The following PDGFC variants were observed in gnomAD, a reference collection of about 807,000 sequenced individuals.
The protein encoded by PDGFC is platelet-derived growth factor C.
Under a neutral mutation model 35.5 loss-of-function variants are expected in PDGFC, and 12 were observed. That is an observed-to-expected ratio of 0.34 (90% CI 0.22 to 0.55). PDGFC has a LOEUF of 0.55. Among genes scored for constraint, PDGFC ranks in the 20% least tolerant of loss-of-function variants. PDGFC has a pLI of 0.91. For missense variants in PDGFC, 322 were observed against 412.4 expected (o/e 0.78, Z 1.90); for synonymous variants, 159 against 148.8 (o/e 1.07, Z -0.50).
At chr4:156,931,071 C>A (rs1351035119) in intron 1 of PDGFC, among the ~76,000 whole-genome samples, 1 of 151,966 alleles carries the variant, frequency 6.6e-6, no homozygotes, top group East Asian at 1.9e-4. Context: ...TGGAGGGTAG[C>A]CAGCCAAGTG....
At position 156,970,975 on chromosome 4, in the gene PDGFC, A is replaced by T; in HGVS notation, c.-72T>A. 2 of 947,400 alleles carry T rather than the reference A, an allele frequency of 2.1e-6. No homozygotes were observed. The highest frequency in any genetic ancestry group is 2.7e-5 in the South Asian group (2 of 73,310). The allele number at this position is 947,400 out of a possible 1,614,324, so 58.7% of individuals were successfully genotyped here. The stretch of plus-strand genomic sequence containing the variant: ...CAGCGACTCCCGAGTCTCTTTCACC[A>T]CCGCCAGGGGAAGGCTGCACTGGGG... On this transcript the variant is annotated 5_prime_UTR_variant, in exon 1 of 6. Coordinates refer to ENST00000502773, the MANE Select transcript of PDGFC (RefSeq NM_016205.3).
chr4:156,796,486 T>C (rs1211560383), intron 3 of PDGFC, among the ~76,000 whole-genome samples: 2 of 142,626 alleles, frequency 1.4e-5, no homozygotes, highest in Non-Finnish European at 3.0e-5. Flanking sequence ...ACAGGACCAC[T>C]TTGTATTTTT....
intron 1 of PDGFC, among the ~76,000 whole-genome samples, chr4:156,881,191 A>T (rs1730232407): frequency 6.6e-6 from 1 of 152,218 alleles, no homozygotes; most frequent in African/African-American, 2.4e-5. Context: ...GTCAGCAGCC[A>T]TTAACATTGA....
intron 3 of PDGFC, among the ~76,000 whole-genome samples, chr4:156,777,818 C>T (rs1384771948): frequency 6.6e-6 from 1 of 152,216 alleles, no homozygotes; most frequent in East Asian, 1.9e-4. Context: ...CCTGTAAGGG[C>T]TCACACAGGT....
At chr4:156,768,099 T>C in intron 4 of PDGFC, 109 bp from the exon 5 acceptor site, 1 of 719,368 alleles carries the variant, frequency 1.4e-6, no homozygotes. Flanking sequence ...TCATGAACAA[T>C]ATCCATAACA....
Position 156,825,386 on chromosome 4 carries a change from C to CAA in PDGFC, c.315-14371_315-14370dup, listed in dbSNP as rs34775471. ...AAAGATGGTGAAACCCCGTTTCTAC[C>CAA]AAAAAAAAAAAAAAAATTCCCAGGC... is the stretch of plus-strand genomic sequence containing the variant. On this transcript the variant is annotated intron_variant, in intron 2 of 5. Transcript: ENST00000502773. 8.9e-4 allele frequency among the ~76,000 whole-genome samples: 114 copies of CAA among 128,498 alleles called. 1 individual carries two copies. The highest frequency in any genetic ancestry group is 2.4e-3 in the South Asian group (10 of 4,172). 84.3% of individuals were successfully genotyped at this position (128,498 alleles called of 152,430 possible). A position where few individuals can be genotyped will look rare whatever the true frequency, so the allele number is the denominator to read the frequency against.
At chr4:156,798,095 G>A (rs1413556998) in intron 3 of PDGFC, among the ~76,000 whole-genome samples, 1 of 152,158 alleles carries the variant, frequency 6.6e-6, no homozygotes, top group African/African-American at 2.4e-5. Flanking sequence ...GGGAGGCTGA[G>A]GCAGGAGAAT....
intron 1 of PDGFC, among the ~76,000 whole-genome samples, chr4:156,931,924 C>T (rs1469471132): frequency 2.0e-5 from 3 of 151,800 alleles, no homozygotes; most frequent in African/African-American, 7.3e-5. Flanking sequence ...CTATACATTA[C>T]TCATAAGAAA....
intron 2 of PDGFC, among the ~76,000 whole-genome samples, chr4:156,844,975 C>T (rs899173693): frequency 6.6e-5 from 10 of 151,908 alleles, no homozygotes; most frequent in African/African-American, 2.2e-4. Context: ...CAAAAACATG[C>T]ATTCTTTGAA....
chr4:156,878,895 G>T (rs1259959237), intron 1 of PDGFC, among the ~76,000 whole-genome samples: 1 of 152,166 alleles, frequency 6.6e-6, no homozygotes, highest in Non-Finnish European at 1.5e-5. Flanking sequence ...CTCCTACCAA[G>T]TAGCCCTGTG....
chr4:156,962,375 T>C (rs1278061058), intron 1 of PDGFC, among the ~76,000 whole-genome samples: 1 of 152,110 alleles, frequency 6.6e-6, no homozygotes, highest in Non-Finnish European at 1.5e-5. Context: ...ACTTTTCTCC[T>C]TCAACTTCCC....
chr4:156,791,639 G>A (rs1028795700), intron 3 of PDGFC, among the ~76,000 whole-genome samples: 5 of 152,138 alleles, frequency 3.3e-5, no homozygotes, highest in Non-Finnish European at 7.4e-5. Flanking sequence ...ATACAAAGCA[G>A]TGCAAACATA....
intron 2 of PDGFC, among the ~76,000 whole-genome samples, chr4:156,840,688 A>G (rs1025808846): frequency 6.6e-6 from 1 of 152,134 alleles, no homozygotes; most frequent in African/African-American, 2.4e-5. Context: ...CAGAAACTCA[A>G]TGCTAGCCTT....
chr4:156,830,250 A>C (rs1371313910), intron 2 of PDGFC, among the ~76,000 whole-genome samples: 4 of 133,392 alleles, frequency 3.0e-5, no homozygotes, highest in African/African-American at 1.3e-4. Flanking sequence ...GAATTGCATT[A>C]AAAAAAAAAA....
At chr4:156,930,131 G>A (rs1366137648) in intron 1 of PDGFC, among the ~76,000 whole-genome samples, 4 of 152,170 alleles carry the variant, frequency 2.6e-5, no homozygotes, top group Admixed American at 2.0e-4. Flanking sequence ...TGTGAATACT[G>A]GGTAACTCGC....
At chr4:156,853,476 G>A (rs1729501452) in intron 1 of PDGFC, among the ~76,000 whole-genome samples, 2 of 152,126 alleles carry the variant, frequency 1.3e-5, no homozygotes, top group Non-Finnish European at 2.9e-5. Context: ...TTCCTCAGCA[G>A]TAAGCACCCT....
At chr4:156,769,568 T>G (rs2110804932) in intron 4 of PDGFC, among the ~76,000 whole-genome samples, 1 of 152,084 alleles carries the variant, frequency 6.6e-6, no homozygotes, top group Middle Eastern at 3.4e-3. Flanking sequence ...ATTATTTTTC[T>G]AACTCAAGGG....
intron 1 of PDGFC, among the ~76,000 whole-genome samples, chr4:156,883,183 C>T (rs1344576360): frequency 4.6e-5 from 7 of 151,038 alleles, no homozygotes; most frequent in Non-Finnish European, 8.8e-5. Flanking sequence ...CTGATTCTGT[C>T]TTTATATTAG....
At chr4:156,949,944 A>T (rs1314621312) in intron 1 of PDGFC, among the ~76,000 whole-genome samples, 3 of 151,930 alleles carry the variant, frequency 2.0e-5, no homozygotes, top group Admixed American at 2.0e-4. Context: ...ACAGGAAATA[A>T]AAATAGCTTC....
Sources: gnomAD v4.1 joint callset for allele counts (sites outside exome capture counted in the v4.1 genomes callset) on GRCh38, gnomAD v4.1.1 for gene constraint, MANE v1.5 for transcripts, NCBI Gene and HGNC (gene_info 2026-07-23, HGNC 2026-07-21) for gene names.